KCNJ6: variants seen among roughly 807,000 people sequenced by gnomAD.
KCNJ6 encodes the protein potassium inwardly rectifying channel subfamily J member 6, also known as G protein-activated inward rectifier potassium channel 2.
In KCNJ6, 9 loss-of-function variants were observed where a neutral mutation model predicts 34.2. The ratio of observed to expected loss-of-function variants is 0.26; its 90% CI spans 0.16 to 0.46. The LOEUF is 0.46. Among genes scored for constraint, KCNJ6 ranks in the 20% least tolerant of loss-of-function variants. The pLI is 1.00. For synonymous variants in KCNJ6, 196 were observed against 207.1 expected (o/e 0.95, Z 0.46); for missense variants, 236 against 531.3 (o/e 0.44, Z 5.46).
At chr21:37,655,179 TTGTGTGTGTG>T (rs369378573) in intron 3 of KCNJ6, among the ~76,000 whole-genome samples, 1,112 of 23,532 alleles carry the variant, frequency 0.047, 15 homozygotes, top group East Asian at 0.11. Context: ...CTCTAGACAT[TTGTGTGTGTG>T]TGTGTGTGTG....
chr21:37,797,537 A>C (rs1201078298), intron 2 of KCNJ6, among the ~76,000 whole-genome samples: 1 of 152,132 alleles, frequency 6.6e-6, no homozygotes, highest in Non-Finnish European at 1.5e-5. Flanking sequence ...GAATTATAAC[A>C]CCAATGAAAA....
intron 1 of KCNJ6, among the ~76,000 whole-genome samples, chr21:37,861,766 G>A (rs2055596091): frequency 6.6e-6 from 1 of 152,192 alleles, no homozygotes; most frequent in Admixed American, 6.5e-5. Flanking sequence ...ATGTCCTTGA[G>A]AAGCACCAAA....
At chr21:37,688,744 CAT>C (rs1225084855) in intron 3 of KCNJ6, among the ~76,000 whole-genome samples, 1 of 152,180 alleles carries the variant, frequency 6.6e-6, no homozygotes, top group Non-Finnish European at 1.5e-5. Flanking sequence ...ACTTATGAGA[CAT>C]GTCTTCCATG....
chr21:37,840,923 C>T (rs1220280750), intron 1 of KCNJ6, among the ~76,000 whole-genome samples: 2 of 152,148 alleles, frequency 1.3e-5, no homozygotes, highest in Non-Finnish European at 2.9e-5. Flanking sequence ...TCCCATTGCT[C>T]TTGGAAATGA....
chr21:37,809,545 T>C (rs2055311992), intron 2 of KCNJ6, among the ~76,000 whole-genome samples: 1 of 152,052 alleles, frequency 6.6e-6, no homozygotes, highest in Non-Finnish European at 1.5e-5. Context: ...ATAAAAAAGA[T>C]ATTATTATTC....
chr21:37,680,768 T>C (rs998116009), intron 3 of KCNJ6, among the ~76,000 whole-genome samples: 3 of 152,224 alleles, frequency 2.0e-5, no homozygotes, highest in Admixed American at 2.0e-4. Context: ...ATTCTGAGCC[T>C]CCATAACTGT....
At chr21:37,720,953 C>T (rs1237359383) in intron 2 of KCNJ6, among the ~76,000 whole-genome samples, 4 of 151,598 alleles carry the variant, frequency 2.6e-5, no homozygotes, top group Non-Finnish European at 4.4e-5. Flanking sequence ...ATGATCCACC[C>T]GCCTCGGCCT....
At chr21:37,912,847 TCA>T (rs1391911228) in intron 1 of KCNJ6, among the ~76,000 whole-genome samples, 1 of 152,196 alleles carries the variant, frequency 6.6e-6, no homozygotes, top group African/African-American at 2.4e-5. Context: ...AAACAACATG[TCA>T]CACTTGGAAA....
chr21:37,814,314 T>C (rs2055335872), intron 2 of KCNJ6, among the ~76,000 whole-genome samples: 1 of 152,210 alleles, frequency 6.6e-6, no homozygotes, highest in African/African-American at 2.4e-5. Context: ...AAGGGAGCCC[T>C]TGTATGCTGT....
Position 37,859,487 on chromosome 21 carries a change from T to TTATA in KCNJ6, c.-27-18782_-27-18779dup, listed in dbSNP as rs55859652. Among the ~76,000 whole-genome samples the TTATA allele has an allele frequency of 8.8e-3, 736 of 84,060 alleles. 4 individuals are homozygous for TTATA. The highest frequency in any genetic ancestry group is 0.012 in the Non-Finnish European group (542 of 44,160). The allele number at this position is 84,060 out of a possible 152,430, so 55.1% of individuals were successfully genotyped here. On this transcript the variant is annotated intron_variant, in intron 1 of 3. Transcript: ENST00000609713. Reference sequence around the variant, plus strand: ...ATTTTAACTATGGGCTTATATTACTTTATATATATATATATATATATATAT... The same window carrying TTATA: ...ATTTTAACTATGGGCTTATATTACTTTATATATATATATATATATATATATATAT...
intron 3 of KCNJ6, among the ~76,000 whole-genome samples, chr21:37,701,449 T>C (rs1166632616): frequency 6.6e-6 from 1 of 152,154 alleles, no homozygotes; most frequent in Non-Finnish European, 1.5e-5. Context: ...TTCTATGTGC[T>C]TAAGAGAGCA....
At chr21:37,658,362 C>T (rs1569439733) in intron 3 of KCNJ6, among the ~76,000 whole-genome samples, 1 of 152,218 alleles carries the variant, frequency 6.6e-6, no homozygotes, top group Non-Finnish European at 1.5e-5. Flanking sequence ...GGGAATTTCT[C>T]TGTCAAGTTT....
chr21:37,671,069 A>G (rs982225449), intron 3 of KCNJ6, among the ~76,000 whole-genome samples: 3 of 152,210 alleles, frequency 2.0e-5, no homozygotes, highest in Non-Finnish European at 4.4e-5. Context: ...TAAAACCACT[A>G]GAATCTCTGG....
At chr21:37,697,846 C>T (rs548117011) in intron 3 of KCNJ6, among the ~76,000 whole-genome samples, 1 of 152,286 alleles carries the variant, frequency 6.6e-6, no homozygotes, top group East Asian at 1.9e-4. Flanking sequence ...CACTCAGTCT[C>T]CTAGGCAAAT....
intron 1 of KCNJ6, among the ~76,000 whole-genome samples, chr21:37,875,531 C>T (rs1393855911): frequency 6.6e-6 from 1 of 152,218 alleles, no homozygotes; most frequent in African/African-American, 2.4e-5. Flanking sequence ...CCCTAGGGTT[C>T]CTCGGGGTTT....
chr21:37,862,934 G>A (rs1406136818), intron 1 of KCNJ6, among the ~76,000 whole-genome samples: 1 of 152,162 alleles, frequency 6.6e-6, no homozygotes, highest in African/African-American at 2.4e-5. Flanking sequence ...CAAAAGGTAG[G>A]ACAGAGACTC....
chr21:37,666,136 G>A (rs1002760335), intron 3 of KCNJ6, among the ~76,000 whole-genome samples: 15 of 152,182 alleles, frequency 9.9e-5, no homozygotes, highest in African/African-American at 3.1e-4. Context: ...CCACAGAAGC[G>A]GGAGTGAAGG....
chr21:37,770,007 T>G (rs1331587297), intron 2 of KCNJ6, among the ~76,000 whole-genome samples: 1 of 152,144 alleles, frequency 6.6e-6, no homozygotes, highest in Non-Finnish European at 1.5e-5. Context: ...AGAACATACA[T>G]TTCTATTCTT....
intron 3 of KCNJ6, among the ~76,000 whole-genome samples, chr21:37,648,197 G>A (rs1483628390): frequency 6.6e-6 from 1 of 152,198 alleles, no homozygotes; most frequent in African/African-American, 2.4e-5. Flanking sequence ...GAATCTACAG[G>A]GGAGGAGGCT....
Sources: allele counts gnomAD v4.1 joint callset (sites outside exome capture counted in the v4.1 genomes callset), GRCh38; gene constraint gnomAD v4.1.1; transcripts MANE v1.5; gene names NCBI Gene and HGNC (gene_info 2026-07-23, HGNC 2026-07-21).